COX6B1: variants seen among roughly 807,000 people sequenced by gnomAD.
The protein encoded by COX6B1 is cytochrome c oxidase subunit 6B1, also known as COX VIb-1.
COX6B1 carries 2 observed loss-of-function variants against 14.0 expected under a neutral mutation model. The observed-to-expected ratio is 0.14, with a 90% CI of 0.06 to 0.45. COX6B1 has a LOEUF of 0.45. COX6B1 is among the 20% of genes least tolerant of loss of function. The pLI, the probability that COX6B1 is intolerant of heterozygous loss-of-function variation, is 0.98. For missense variants in COX6B1, 81 were observed against 114.2 expected, an observed-to-expected ratio of 0.71 and a Z score of 1.33; for synonymous variants, 30 against 39.7, an observed-to-expected ratio of 0.76 and a Z score of 0.92.
chr19:35,651,006 G>A (rs1259345071), intron 1 of COX6B1, among the ~76,000 whole-genome samples: 2 of 152,112 alleles, frequency 1.3e-5, no homozygotes, highest in African/African-American at 4.8e-5. Flanking sequence ...ATGTTATTTG[G>A]GGACCAGGCT....
intron 2 of COX6B1, among the ~76,000 whole-genome samples, chr19:35,653,232 C>G (rs1013355218): frequency 4.0e-5 from 6 of 151,706 alleles, no homozygotes; most frequent in African/African-American, 1.5e-4. Context: ...CTCAGCCTCC[C>G]AAAGTGCTGA....
intron 3 of COX6B1, among the ~76,000 whole-genome samples, chr19:35,658,128 G>C (rs572535027): frequency 2.0e-5 from 3 of 152,296 alleles, no homozygotes; most frequent in African/African-American, 4.8e-5. Context: ...CCTGTGGTCA[G>C]TGGTGGGATT....
At chr19:35,648,790 G>T (rs1599620029) in intron 1 of COX6B1, 2 of 524,950 alleles carry the variant, frequency 3.8e-6, no homozygotes, top group Non-Finnish European at 3.9e-6. Flanking sequence ...CTCGCGGCTT[G>T]CCTGGGCCGC....
intron 1 of COX6B1, among the ~76,000 whole-genome samples, chr19:35,649,859 C>A: frequency 6.6e-6 from 1 of 150,802 alleles, no homozygotes; most frequent in East Asian, 2.0e-4. Context: ...TGGGCTCAAG[C>A]GATCCTCCCA....
intron 1 of COX6B1, chr19:35,649,030 C>T: frequency 2.1e-6 from 1 of 473,182 alleles, no homozygotes; most frequent in Non-Finnish European, 4.4e-6. Context: ...TTGAATTTGA[C>T]ACTGCTCTGC....
At chr19:35,649,769 C>T (rs1179255273) in intron 1 of COX6B1, among the ~76,000 whole-genome samples, 1 of 151,924 alleles carries the variant, frequency 6.6e-6, no homozygotes, top group Non-Finnish European at 1.5e-5. Context: ...CGTGAGCCAC[C>T]TCTTCCGGCC....
chr19:35,653,148 T>C (rs919882256), intron 2 of COX6B1, among the ~76,000 whole-genome samples: 4 of 151,018 alleles, frequency 2.6e-5, no homozygotes, highest in African/African-American at 9.8e-5. Flanking sequence ...TTTTTTTTTG[T>C]ATTTTTAGTA....
In COX6B1 at chr19:35,651,192, C is replaced by T. The variant is rs375504689; in HGVS notation, c.-11-41C>T. ...CCTGGGTAGTCTGGCTTGCTCAGGG[C>T]CCCTGGGGCCCCTGCTGACACCCAC... On this transcript the variant is annotated intron_variant, in intron 1 of 3. Transcript: ENST00000649813. 48 of 1,355,834 alleles carry T rather than the reference C, an allele frequency of 3.5e-5. No homozygotes were observed. In the African/African-American group the frequency reaches 6.2e-4, roughly 18 times the overall value. The allele number at this position is 1,355,834 out of a possible 1,614,324, so 84.0% of individuals were successfully genotyped here.
chr19:35,656,905 C>T (rs564175564), intron 3 of COX6B1, among the ~76,000 whole-genome samples: 1 of 152,212 alleles, frequency 6.6e-6, no homozygotes, highest in Admixed American at 6.6e-5. Flanking sequence ...GTAACTTGCC[C>T]AAAGTCACAC....
At chr19:35,648,784 C>T (rs961961430) in intron 1 of COX6B1, 3 of 523,700 alleles carry the variant, frequency 5.7e-6, no homozygotes, top group South Asian at 2.8e-5. Context: ...TGGCCTCTCG[C>T]GGCTTGCCTG....
At chr19:35,654,061 T>G (rs1270406134) in intron 2 of COX6B1, among the ~76,000 whole-genome samples, 3 of 152,232 alleles carry the variant, frequency 2.0e-5, no homozygotes, top group African/African-American at 7.2e-5. Flanking sequence ...TGTATTCTTT[T>G]GTGTTTGGAT....
chr19:35,650,608 T>C (rs995064755), intron 1 of COX6B1, among the ~76,000 whole-genome samples: 1 of 151,744 alleles, frequency 6.6e-6, no homozygotes, highest in African/African-American at 2.4e-5. Flanking sequence ...TTCGGGAGGC[T>C]GAGGCAACAG....
chr19:35,653,225 A>C (rs1418245680), intron 2 of COX6B1, among the ~76,000 whole-genome samples: 7 of 148,600 alleles, frequency 4.7e-5, no homozygotes, highest in Admixed American at 1.4e-4. Context: ...CACCCCCCTC[A>C]GCCTCCCAAA....
At chr19:35,653,108 C>T (rs955461421) in intron 2 of COX6B1, among the ~76,000 whole-genome samples, 1 of 151,242 alleles carries the variant, frequency 6.6e-6, no homozygotes, top group Admixed American at 6.6e-5. Flanking sequence ...GCTGGGATTA[C>T]AGTCGCCTGC....
In COX6B1 at chr19:35,655,387, C is replaced by T. The variant is rs139245980; in HGVS notation, c.207+716C>T. Among the ~76,000 whole-genome samples, 472 of 152,248 alleles carry T rather than the reference C, an allele frequency of 3.1e-3. 3 individuals carry two copies. Among genetic ancestry groups the T allele is most frequent in the Middle Eastern group, 0.014 (4 of 294 alleles). On this transcript the variant is annotated intron_variant, in intron 3 of 3. Coordinates refer to ENST00000649813, the MANE Select transcript of COX6B1 (RefSeq NM_001863.5). ...TCATTGACCTCAAATACATCCATCA[C>T]CCAAAGTGAATAGTTATCAGGATTT...
intron 2 of COX6B1, among the ~76,000 whole-genome samples, chr19:35,653,549 G>C (rs949270804): frequency 6.0e-5 from 9 of 150,552 alleles, no homozygotes; most frequent in African/African-American, 2.0e-4. Context: ...TGAGATTACA[G>C]GCGTGAGCCA....
At chr19:35,650,880 C>G (rs910944041) in intron 1 of COX6B1, among the ~76,000 whole-genome samples, 4 of 152,104 alleles carry the variant, frequency 2.6e-5, no homozygotes, top group African/African-American at 9.7e-5. Context: ...ACACCCTGTT[C>G]CTTCCTCGTC....
chr19:35,655,219 G>A lies in COX6B1; in HGVS notation c.207+548G>A, dbSNP rs551333951. On this transcript the variant is annotated intron_variant, in intron 3 of 3. Transcript: ENST00000649813. ...TAGTTTTTTGTATTTTAATAGAAACGGGGTTTCACCATGTTAGCCAGGATA... is the reference window on the plus strand; with the variant it reads ...TAGTTTTTTGTATTTTAATAGAAACAGGGTTTCACCATGTTAGCCAGGATA... Among the ~76,000 whole-genome samples, 82 of 151,950 alleles carry A rather than the reference G, an allele frequency of 5.4e-4. No homozygotes were observed. In the South Asian group the frequency reaches 6.0e-3, roughly 11 times the overall value.
At chr19:35,657,953 G>A (rs776581214) in intron 3 of COX6B1, among the ~76,000 whole-genome samples, 6 of 151,874 alleles carry the variant, frequency 4.0e-5, no homozygotes, top group African/African-American at 1.5e-4. Context: ...CACCATGCCC[G>A]GCTTATTTTT....
Sources: allele counts gnomAD v4.1 joint callset (sites outside exome capture counted in the v4.1 genomes callset), GRCh38; gene constraint gnomAD v4.1.1; transcripts MANE v1.5; gene names NCBI Gene and HGNC (gene_info 2026-07-23, HGNC 2026-07-21).